COL4A1: variants seen among roughly 807,000 people sequenced by gnomAD.
COL4A1 encodes the protein collagen type IV alpha 1 chain.
COL4A1 carries 40 observed loss-of-function variants against 216.6 expected under a neutral mutation model. The ratio of observed to expected loss-of-function variants is 0.18; its 90% CI spans 0.14 to 0.24. The LOEUF is 0.24. COL4A1 is among the 10% of genes least tolerant of loss of function. COL4A1 has a pLI of 1.00. For synonymous variants in COL4A1, 839 were observed against 810.7 expected, an observed-to-expected ratio of 1.03 and a Z score of -0.59; for missense variants, 1,628 against 2,196.8, an observed-to-expected ratio of 0.74 and a Z score of 5.18.
At chr13:110,177,713 T>C (rs1267374399) in intron 33 of COL4A1, 129 bp downstream of exon 33, 2 of 924,676 alleles carry the variant, frequency 2.2e-6, no homozygotes, top group Admixed American at 3.9e-5. Flanking sequence ...CCCAGCCTTC[T>C]GCTTGATGTT....
In COL4A1 at chr13:110,178,128, C is replaced by A. The variant is rs755733927; in HGVS notation, c.2562G>T (p.Thr854=). The change falls in exon 32 of 52, where the codon ACG becomes ACT. Residue 854 remains threonine (T), a synonymous_variant. Coordinates refer to ENST00000375820, the MANE Select transcript of COL4A1 (RefSeq NM_001845.6). ...GAAGGCCAGGGAGCCCCGACTGTCC[C>A]GTTATGCCAGGGAGTCCTTGAGCCC... ...DKGAQGLPGI[T]GQSGLPGLPG... The A allele has an allele frequency of 1.2e-6, 2 of 1,614,186 alleles. No individual in the cohort carries two copies. The highest frequency in any genetic ancestry group is 1.7e-6 in the Non-Finnish European group (2 of 1,180,044).
rs1047191808 is a variant in COL4A1, at chr13:110,170,534, G to A, written c.3742+13C>T. Reference sequence around the variant, plus strand: ...CCAGTCCTCAGCCCTGGCCCCTGGCGAGATGCCCTTACCTGGCAGGCCAGG... The same window carrying A: ...CCAGTCCTCAGCCCTGGCCCCTGGCAAGATGCCCTTACCTGGCAGGCCAGG... On this transcript the variant is annotated intron_variant, in intron 42 of 51. Transcript: ENST00000375820. 7 of 1,590,356 alleles carry A rather than the reference G, an allele frequency of 4.4e-6. No individual in the cohort carries two copies. The highest frequency in any genetic ancestry group is 1.3e-5 in the African/African-American group (1 of 74,556).
At chr13:110,304,196 C>A (rs1168822928) in intron 1 of COL4A1, among the ~76,000 whole-genome samples, 1 of 152,152 alleles carries the variant, frequency 6.6e-6, no homozygotes, top group East Asian at 1.9e-4. Context: ...ACCAATATCA[C>A]TCCTGAGATC....
At chr13:110,206,920 C>T (rs766183089) in intron 13 of COL4A1, 29 bp from the exon 14 acceptor site, 1 of 1,612,888 alleles carries the variant, frequency 6.2e-7, no homozygotes, top group Non-Finnish European at 8.5e-7. Context: ...CAGATCAGCA[C>T]TATCAAACAG....
intron 2 of COL4A1, among the ~76,000 whole-genome samples, chr13:110,234,305 C>T (rs762081673): frequency 6.6e-6 from 1 of 152,110 alleles, no homozygotes; most frequent in African/African-American, 2.4e-5. Flanking sequence ...GTCAGAGGCT[C>T]GGTACAGTGG....
chr13:110,287,202 A>G (rs1402268957), intron 1 of COL4A1, among the ~76,000 whole-genome samples: 1 of 152,208 alleles, frequency 6.6e-6, no homozygotes, highest in African/African-American at 2.4e-5. Flanking sequence ...TGTCAGAGGG[A>G]AGGAACGCCC....
chr13:110,214,342 G>A (rs996425237), intron 2 of COL4A1, among the ~76,000 whole-genome samples: 3 of 152,052 alleles, frequency 2.0e-5, no homozygotes, highest in South Asian at 2.1e-4. Context: ...CACCCACCTC[G>A]GCCACCAAAA....
Position 110,192,880 on chromosome 13 carries a change from A to G in COL4A1, c.1415T>C (p.Ile472Thr), listed in dbSNP as rs1878705746. 5 of 1,614,080 alleles carry G rather than the reference A, an allele frequency of 3.1e-6. No individual in the cohort carries two copies. The highest frequency in any genetic ancestry group is 2.7e-5 in the African/African-American group (2 of 74,926). ...QKGESCLICDIDGYRGPPGPQ... is the reference protein window; with the variant it reads ...QKGESCLICDTDGYRGPPGPQ... ...CCCGGGAGGCCCCCGATATCCGTCT[A>G]TATCACAGATGAGGCAACTCTCTCC... The change falls in exon 23 of 52, where the codon ATA becomes ACA. Residue 472 changes from isoleucine (I) to threonine (T), a missense_variant. Coordinates refer to ENST00000375820, the MANE Select transcript of COL4A1 (RefSeq NM_001845.6).
At chr13:110,203,765 C>T (rs1203629379) in intron 17 of COL4A1, among the ~76,000 whole-genome samples, 158 bp from the exon 18 acceptor site, 1 of 152,124 alleles carries the variant, frequency 6.6e-6, no homozygotes, top group Non-Finnish European at 1.5e-5. Flanking sequence ...ACGATTACAA[C>T]AAAAATGAAT....
chr13:110,295,103 C>T (rs1003163753), intron 1 of COL4A1, among the ~76,000 whole-genome samples: 3 of 152,174 alleles, frequency 2.0e-5, no homozygotes, highest in Non-Finnish European at 2.9e-5. Flanking sequence ...ACAAATCAGA[C>T]TCATTTCCTT....
chr13:110,198,710 G>T, intron 20 of COL4A1, 79 bp from the exon 21 acceptor site: 1 of 1,583,228 alleles, frequency 6.3e-7, no homozygotes, highest in Non-Finnish European at 8.7e-7. Context: ...TCCTAACTCT[G>T]TTCAAGGTAA....
In COL4A1 at chr13:110,249,132, C is replaced by A. The variant is rs965306114; in HGVS notation, c.85-6398G>T. On this transcript the variant is annotated intron_variant, in intron 1 of 51. Transcript: ENST00000375820. ...GATCCCATCATATGAAATTCAAGAA[C>A]GGAGGCATCTGTCTATGGGGAAAAG... Among the ~76,000 whole-genome samples the A allele has an allele frequency of 8.5e-5, 13 of 152,124 alleles. No homozygotes were observed. The South Asian group carries it at 2.3e-3, about 27-fold the overall frequency.
At position 110,168,819 on chromosome 13, in the gene COL4A1, A is replaced by C. The variant is rs79625543; in HGVS notation, c.3876+810T>G. Among the ~76,000 whole-genome samples the C allele has an allele frequency of 3.9e-3, 595 of 152,260 alleles. 4 individuals carry two copies. The highest frequency in any genetic ancestry group is 0.014 in the African/African-American group (571 of 41,542). On this transcript the variant is annotated intron_variant, in intron 43 of 51. Coordinates refer to ENST00000375820, the MANE Select transcript of COL4A1 (RefSeq NM_001845.6). ...CCTGATATACTCTCTCTTTCTCCTA[A>C]CGTGTGTTAGAGAGAGACAGAGAGA...
In COL4A1 at chr13:110,253,118, CGTAT is replaced by C. The variant is rs1372828414; in HGVS notation, c.85-10388_85-10385del. Among the ~76,000 whole-genome samples, 140 of 123,470 alleles carry C rather than the reference CGTAT, an allele frequency of 1.1e-3. 19 individuals are homozygous for C. The East Asian group carries it at 0.025, about 22-fold the overall frequency. The allele number at this position is 123,470 out of a possible 152,430, so 81.0% of individuals were successfully genotyped here. ...TTACATATACATATAACTATATGTA[CGTAT>C]GTATTATATATACATATAACTATAT... is the stretch of plus-strand genomic sequence containing the variant. On this transcript the variant is annotated intron_variant, in intron 1 of 51. Coordinates refer to ENST00000375820, the MANE Select transcript of COL4A1 (RefSeq NM_001845.6).
intron 33 of COL4A1, 69 bp from the exon 34 acceptor site, chr13:110,177,106 T>C: frequency 6.2e-7 from 1 of 1,602,670 alleles, no homozygotes; most frequent in South Asian, 1.1e-5. Flanking sequence ...AGGCTCACGT[T>C]CTTGTTGACA....
rs571661556 is a variant in COL4A1 at position 110,173,842 on chromosome 13, C to T, written c.3505+58G>A. 45 of 1,598,336 alleles carry T rather than the reference C, an allele frequency of 2.8e-5. No individual in the cohort carries two copies. In the Admixed American group the frequency reaches 7.3e-4, roughly 26 times the overall value. On this transcript the variant is annotated intron_variant, in intron 40 of 51. Coordinates refer to ENST00000375820, the MANE Select transcript of COL4A1 (RefSeq NM_001845.6). ...TTATTCACTGAACACAGGCAGTCTG[C>T]AGGTCTCTGGGAGTGGACACTGCTG...
Position 110,175,283 on chromosome 13 carries a change from C to A in COL4A1, c.3133G>T (p.Ala1045Ser), listed in dbSNP as rs1057519214. The A allele has an allele frequency of 1.9e-6, 3 of 1,614,246 alleles. No individual in the cohort carries two copies. The highest frequency in any genetic ancestry group is 2.5e-6 in the Non-Finnish European group (3 of 1,180,044). ...CCTGCCTGCCCTTTCTCTCCTTTTG[C>A]ACCTTTGTCTCCAGGTAAGCCAGGT... is the stretch of plus-strand genomic sequence containing the variant. Reference protein sequence around the residue: ...GSPGLPGDKGAKGEKGQAGPP... With the variant: ...GSPGLPGDKGSKGEKGQAGPP... Residue 1045 changes from alanine to serine, a missense_variant, in exon 37 of 52, where the codon GCA (alanine) becomes TCA (serine). By Grantham distance (99) the Ala-to-Ser change is moderately conservative. Coordinates refer to ENST00000375820, the MANE Select transcript of COL4A1 (RefSeq NM_001845.6).
chr13:110,181,946 T>C lies in COL4A1; in HGVS notation c.2096-557A>G, dbSNP rs115791136. On this transcript the variant is annotated intron_variant, in intron 28 of 51. Coordinates refer to ENST00000375820, the MANE Select transcript of COL4A1 (RefSeq NM_001845.6). ...TTGTATGCAACACTGAGGTCTCCGATGTCCAGTAATTTGTAAGTTTGCAGT... is the reference window on the plus strand; with the variant it reads ...TTGTATGCAACACTGAGGTCTCCGACGTCCAGTAATTTGTAAGTTTGCAGT... Among the ~76,000 whole-genome samples the C allele has an allele frequency of 2.3e-3, 350 of 152,278 alleles. 4 individuals are homozygous for C. Among genetic ancestry groups the C allele is most frequent in the African/African-American group, 8.0e-3 (333 of 41,568 alleles).
chr13:110,219,688 A>ATG (rs1210149468), intron 2 of COL4A1, among the ~76,000 whole-genome samples: 11,841 of 113,852 alleles, frequency 0.1, 675 homozygotes, highest in East Asian at 0.19. Flanking sequence ...GTGTATATAT[A>ATG]TGTATATATA....
Sources: gnomAD v4.1 joint callset for allele counts (sites outside exome capture counted in the v4.1 genomes callset) on GRCh38, gnomAD v4.1.1 for gene constraint, MANE v1.5 for transcripts, NCBI Gene and HGNC (gene_info 2026-07-23, HGNC 2026-07-21) for gene names.